Variants in PPP1R8 observed in about 807,000 individuals in gnomAD.
PPP1R8 encodes the protein nuclear inhibitor of protein phosphatase 1.
In PPP1R8, 4 loss-of-function variants were observed where a neutral mutation model predicts 31.3. That is an observed-to-expected ratio of 0.13 (90% CI 0.06 to 0.29). The LOEUF (loss-of-function observed/expected upper bound fraction) is 0.29. Ranked by LOEUF, PPP1R8 falls within the 10% of genes least tolerant of loss-of-function variation. The pLI is 1.00. For missense variants in PPP1R8, 254 were observed against 440.1 expected, an observed-to-expected ratio of 0.58 and a Z score of 3.78; for synonymous variants, 170 against 169.7, an observed-to-expected ratio of 1.00 and a Z score of -0.01.
At chr1:27,832,277 C>G (rs1362800291) in intron 1 of PPP1R8, among the ~76,000 whole-genome samples, 1 of 152,148 alleles carries the variant, frequency 6.6e-6, no homozygotes, top group East Asian at 1.9e-4. Context: ...CCCTAGTTCC[C>G]TAATTATGCA....
chr1:27,840,015 G>T (rs531870936), intron 3 of PPP1R8, among the ~76,000 whole-genome samples: 18 of 152,062 alleles, frequency 1.2e-4, no homozygotes, highest in African/African-American at 3.1e-4. Context: ...AGCCATTATC[G>T]CATGACTGTA....
chr1:27,833,001 A>G (rs1400628278), intron 2 of PPP1R8, among the ~76,000 whole-genome samples, 185 bp downstream of exon 2: 2 of 151,918 alleles, frequency 1.3e-5, no homozygotes, highest in Admixed American at 6.6e-5. Context: ...TACCACAGAC[A>G]CTCAATTTTT....
chr1:27,851,056 TGCCATA>T lies in PPP1R8; in HGVS notation c.*612_*617del, dbSNP rs2089339428. 6.5e-6 allele frequency: 1 copy of T among 154,808 alleles called. No individual in the cohort carries two copies. Among genetic ancestry groups the T allele is most frequent in the Non-Finnish European group, 1.4e-5 (1 of 69,652 alleles). The allele number at this position is 154,808 out of a possible 1,614,324, so 9.6% of individuals were successfully genotyped here. ...TCGATTTTCCTTCATCTGTGACTGGTGCCATAGACACAGGTTTATAGTTTTAACTTA... is the reference window on the plus strand; with the variant it reads ...TCGATTTTCCTTCATCTGTGACTGGTGACACAGGTTTATAGTTTTAACTTA... On this transcript the variant is annotated 3_prime_UTR_variant, in exon 7 of 7. Transcript: ENST00000311772.
chr1:27,836,922 G>C lies in PPP1R8; in HGVS notation c.118-1777G>C, dbSNP rs559540600. Among the ~76,000 whole-genome samples the C allele has an allele frequency of 8.9e-4, 136 of 152,220 alleles. 1 individual carries two copies. The highest frequency in any genetic ancestry group is 6.8e-3 in the Middle Eastern group (2 of 294). On this transcript the variant is annotated intron_variant, in intron 2 of 6. Coordinates refer to ENST00000311772, the MANE Select transcript of PPP1R8 (RefSeq NM_014110.5). ...CTTTGGGACTATGGCAGCATGATTA[G>C]AATAGAAATAGGTGTTTACACTTCA...
rs376057812 is a variant in PPP1R8, at chr1:27,850,107, G to A, written c.717G>A (p.Glu239=). 7.6e-6 allele frequency: 12 copies of A among 1,575,878 alleles called. No individual in the cohort carries two copies. Among genetic ancestry groups the A allele is most frequent in the Non-Finnish European group, 9.5e-6 (11 of 1,159,072 alleles). Residue 239 remains glutamate (E), a synonymous_variant, in exon 7 of 7, where the codon GAG becomes GAA. Coordinates refer to ENST00000311772, the MANE Select transcript of PPP1R8 (RefSeq NM_014110.5). ...AVVPVKKKRV[E]GPGSLGLEES... ...GTGAACTGTAGAAGAAGCGTGTGGA[G>A]GGCCCTGGCTCCCTGGGCCTGGAGG... is the stretch of plus-strand genomic sequence containing the variant.
intron 2 of PPP1R8, chr1:27,834,291 G>T (rs2089140187): frequency 2.4e-6 from 1 of 408,406 alleles, no homozygotes. Flanking sequence ...TTTCGATGTT[G>T]TTAAGTGTGC....
At chr1:27,848,461 C>T (rs1037800557) in intron 6 of PPP1R8, among the ~76,000 whole-genome samples, 32 of 152,238 alleles carry the variant, frequency 2.1e-4, no homozygotes, top group African/African-American at 7.7e-4. Flanking sequence ...ATGCTCCGAT[C>T]GTTCAGCATG....
intron 3 of PPP1R8, among the ~76,000 whole-genome samples, 178 bp from the exon 4 acceptor site, chr1:27,840,835 GT>G (rs2148617288): frequency 6.6e-6 from 1 of 152,220 alleles, no homozygotes; most frequent in South Asian, 2.1e-4. Context: ...AAAAGCTGGA[GT>G]TTCTGACCAT....
chr1:27,838,896 T>C, intron 3 of PPP1R8, 44 bp downstream of exon 3: 1 of 1,439,168 alleles, frequency 6.9e-7, no homozygotes, highest in Non-Finnish European at 9.3e-7. Context: ...TTAGGCAATA[T>C]GAAAATACTC....
At chr1:27,840,148 A>G (rs1557428379) in intron 3 of PPP1R8, among the ~76,000 whole-genome samples, 1 of 152,234 alleles carries the variant, frequency 6.6e-6, no homozygotes, top group African/African-American at 2.4e-5. Flanking sequence ...AACTTCGCCT[A>G]AGATAATCCA....
intron 5 of PPP1R8, among the ~76,000 whole-genome samples, chr1:27,844,553 C>T (rs2089254025): frequency 6.6e-6 from 1 of 151,864 alleles, no homozygotes; most frequent in Admixed American, 6.6e-5. Flanking sequence ...TGGTTTTGAA[C>T]TCCTGACCTC....
At chr1:27,842,126 A>G (rs1187492277) in intron 4 of PPP1R8, among the ~76,000 whole-genome samples, 1 of 152,200 alleles carries the variant, frequency 6.6e-6, no homozygotes, top group Non-Finnish European at 1.5e-5. Context: ...GGATCACCTG[A>G]GGTCAGGAGT....
intron 2 of PPP1R8, among the ~76,000 whole-genome samples, chr1:27,833,487 C>G (rs1571544065): frequency 6.6e-6 from 1 of 152,166 alleles, no homozygotes; most frequent in Non-Finnish European, 1.5e-5. Flanking sequence ...AGCTTTTATA[C>G]AAGCCTCTAG....
chr1:27,836,520 T>C (rs2089167557), intron 2 of PPP1R8, among the ~76,000 whole-genome samples: 1 of 152,164 alleles, frequency 6.6e-6, no homozygotes, highest in Non-Finnish European at 1.5e-5. Flanking sequence ...GCTCATGCCA[T>C]TCTCCTGCCT....
chr1:27,846,930 A>G, intron 5 of PPP1R8, 98 bp from the exon 6 acceptor site: 2 of 1,022,086 alleles, frequency 2.0e-6, no homozygotes, highest in Non-Finnish European at 3.1e-6. Context: ...TTACAATTTT[A>G]ATATGAGTTG....
chr1:27,831,477 A>G lies in PPP1R8; in HGVS notation c.56+586A>G, dbSNP rs2089105840. Reference sequence around the variant, plus strand: ...ATCCCTTCGAAAGTTCTTGGGAATAATGAAATAATTTAATTTGGTCTTTGA... The same window carrying G: ...ATCCCTTCGAAAGTTCTTGGGAATAGTGAAATAATTTAATTTGGTCTTTGA... On this transcript the variant is annotated intron_variant, in intron 1 of 6. Transcript: ENST00000311772. 4 of 512,342 alleles carry G rather than the reference A, an allele frequency of 7.8e-6. No homozygotes were observed. The African/African-American group carries it at 8.4e-5, about 11-fold the overall frequency. 31.7% of individuals were successfully genotyped at this position (512,342 alleles called of 1,614,324 possible).
At chr1:27,842,942 T>A (rs2089237296) in intron 4 of PPP1R8, among the ~76,000 whole-genome samples, 1 of 152,174 alleles carries the variant, frequency 6.6e-6, no homozygotes, top group Non-Finnish European at 1.5e-5. Flanking sequence ...GCCCTTTACC[T>A]CTTGAATATC....
At chr1:27,843,152 G>T (rs373973866) in intron 4 of PPP1R8, 34 bp from the exon 5 acceptor site, 3 of 1,613,150 alleles carry the variant, frequency 1.9e-6, no homozygotes, top group South Asian at 2.2e-5. Flanking sequence ...CCTTTGTACT[G>T]ACTGCTGTCT....
chr1:27,849,962 C>T (rs1326504723), intron 6 of PPP1R8, 131 bp from the exon 7 acceptor site: 3 of 767,826 alleles, frequency 3.9e-6, no homozygotes, highest in Non-Finnish European at 6.3e-6. Flanking sequence ...GAAAGGAGAA[C>T]AGGCTAGAAG....
Sources: gnomAD v4.1 joint callset for allele counts (sites outside exome capture counted in the v4.1 genomes callset) on GRCh38, gnomAD v4.1.1 for gene constraint, MANE v1.5 for transcripts, NCBI Gene and HGNC (gene_info 2026-07-23, HGNC 2026-07-21) for gene names.